The following AK5 variants were observed in gnomAD, a reference collection of about 807,000 sequenced individuals.
AK5 encodes adenylate kinase isoenzyme 5.
AK5 carries 27 observed loss-of-function variants against 69.5 expected under a neutral mutation model. That is an observed-to-expected ratio of 0.39 (90% CI 0.29 to 0.54). AK5 has a LOEUF of 0.54. AK5 is among the 20% of genes least tolerant of loss of function. AK5 has a pLI of 0.71. For missense variants in AK5, 531 were observed against 700.4 expected (o/e 0.76, Z 2.73); for synonymous variants, 260 against 244.4 (o/e 1.06, Z -0.60).
At chr1:77,296,631 C>T (rs577188638) in intron 3 of AK5, among the ~76,000 whole-genome samples, 4 of 152,216 alleles carry the variant, frequency 2.6e-5, no homozygotes, top group South Asian at 4.1e-4. Context: ...ATACCTGATT[C>T]TTCAAGGAAT....
chr1:77,358,018 T>TGTGTGTGTGA (rs762714026), intron 6 of AK5, among the ~76,000 whole-genome samples: 6,560 of 128,116 alleles, frequency 0.051, 227 homozygotes, highest in South Asian at 0.066. Flanking sequence ...TGTGTGTGTG[T>TGTGTGTGTGA]GAGAGAGAGA....
At chr1:77,341,744 C>T (rs150356505) in intron 6 of AK5, among the ~76,000 whole-genome samples, 240 of 152,234 alleles carry the variant, frequency 1.6e-3, no homozygotes, top group African/African-American at 5.5e-3. Flanking sequence ...GTTGTCATGT[C>T]GCAGAGTTGT....
At chr1:77,549,432 G>T (rs1022033570) in intron 13 of AK5, among the ~76,000 whole-genome samples, 8 of 152,036 alleles carry the variant, frequency 5.3e-5, no homozygotes, top group Non-Finnish European at 7.4e-5. Flanking sequence ...TCAAGCGTTT[G>T]TCCTTTCTTT....
intron 13 of AK5, among the ~76,000 whole-genome samples, chr1:77,540,175 G>T (rs957678006): frequency 1.3e-5 from 2 of 152,224 alleles, no homozygotes; most frequent in Non-Finnish European, 2.9e-5. Context: ...AAGCAAAGCA[G>T]AATTTATACA....
intron 8 of AK5, among the ~76,000 whole-genome samples, chr1:77,425,233 A>G (rs1246942211): frequency 6.6e-6 from 1 of 152,178 alleles, no homozygotes; most frequent in African/African-American, 2.4e-5. Flanking sequence ...AATTGGGGGA[A>G]TTTGTTGCCA....
chr1:77,463,594 A>G (rs1341232028), intron 8 of AK5, among the ~76,000 whole-genome samples: 1 of 149,778 alleles, frequency 6.7e-6, no homozygotes, highest in African/African-American at 2.5e-5. Flanking sequence ...AGGTAAATTT[A>G]TTGTAAACCT....
intron 10 of AK5, among the ~76,000 whole-genome samples, chr1:77,495,728 T>G (rs187468659): frequency 7.2e-5 from 11 of 152,304 alleles, no homozygotes; most frequent in Admixed American, 1.3e-4. Flanking sequence ...AACCTGGTCA[T>G]GCTGAGATTT....
At chr1:77,473,200 G>GT (rs538996435) in intron 8 of AK5, among the ~76,000 whole-genome samples, 5,105 of 142,684 alleles carry the variant, frequency 0.036, 82 homozygotes, top group Middle Eastern at 0.083. Flanking sequence ...GCTTCTTGGG[G>GT]TTTTTTTTTT....
chr1:77,342,326 T>C (rs776460210), intron 6 of AK5, among the ~76,000 whole-genome samples: 1 of 152,182 alleles, frequency 6.6e-6, no homozygotes, highest in African/African-American at 2.4e-5. Context: ...TACCAGAGTG[T>C]CTCTGATTAC....
intron 10 of AK5, among the ~76,000 whole-genome samples, chr1:77,495,037 C>T (rs1656228114): frequency 6.6e-6 from 1 of 152,100 alleles, no homozygotes; most frequent in Non-Finnish European, 1.5e-5. Context: ...CTGCCTCGGC[C>T]TCCTGAAATG....
At chr1:77,557,036 G>C (rs7524866) in intron 13 of AK5, among the ~76,000 whole-genome samples, 104,896 of 150,884 alleles carry the variant, frequency 0.7, 37,278 homozygotes, top group Non-Finnish European at 0.78. Flanking sequence ...CTTGTGGCTT[G>C]AAGCCACCAG....
intron 13 of AK5, among the ~76,000 whole-genome samples, chr1:77,551,117 C>A (rs907594920): frequency 1.1e-4 from 16 of 152,140 alleles, no homozygotes; most frequent in African/African-American, 3.6e-4. Context: ...GTGGGGGTTG[C>A]AGTGAACTTA....
chr1:77,543,926 T>TACAC (rs142574877), intron 13 of AK5, among the ~76,000 whole-genome samples: 3,460 of 147,942 alleles, frequency 0.023, 101 homozygotes, highest in African/African-American at 0.082. Context: ...TATGTGAGAG[T>TACAC]ACACACACAC....
At chr1:77,461,056 C>G (rs534299760) in intron 8 of AK5, among the ~76,000 whole-genome samples, 11 of 133,698 alleles carry the variant, frequency 8.2e-5, no homozygotes, top group East Asian at 6.6e-4. Flanking sequence ...TTTTTTGAGA[C>G]GGAGTCTGGG....
At chr1:77,309,550 A>C (rs1394183290) in intron 5 of AK5, among the ~76,000 whole-genome samples, 1 of 152,148 alleles carries the variant, frequency 6.6e-6, no homozygotes, top group Admixed American at 6.5e-5. Flanking sequence ...TCATCCTTAT[A>C]ACGATTTCAT....
chr1:77,311,011 C>T, intron 5 of AK5, among the ~76,000 whole-genome samples: 1 of 152,062 alleles, frequency 6.6e-6, no homozygotes, highest in East Asian at 1.9e-4. Context: ...CTAACCAATT[C>T]TTAACGCTCC....
chr1:77,516,369 C>A (rs573640963), intron 10 of AK5, among the ~76,000 whole-genome samples: 1 of 151,322 alleles, frequency 6.6e-6, no homozygotes, highest in African/African-American at 2.4e-5. Flanking sequence ...CTACAGTTAA[C>A]AACACTGTAT....
intron 8 of AK5, among the ~76,000 whole-genome samples, chr1:77,424,571 C>CT (rs770193730): frequency 1.3e-5 from 2 of 152,112 alleles, no homozygotes; most frequent in Admixed American, 6.5e-5. Context: ...GAAGGAAATT[C>CT]TAACACAGAA....
chr1:77,549,767 A>C (rs1659729139), intron 13 of AK5, among the ~76,000 whole-genome samples: 1 of 152,182 alleles, frequency 6.6e-6, no homozygotes, highest in Non-Finnish European at 1.5e-5. Flanking sequence ...GTTGCAAATG[A>C]CAGGATCTCA....
Sources: gnomAD v4.1 joint callset for allele counts (sites outside exome capture counted in the v4.1 genomes callset) on GRCh38, gnomAD v4.1.1 for gene constraint, MANE v1.5 for transcripts, NCBI Gene and HGNC (gene_info 2026-07-23, HGNC 2026-07-21) for gene names.